AFDN: variants seen among roughly 807,000 people sequenced by gnomAD.
AFDN encodes afadin.
A neutral mutation model predicts 216.6 loss-of-function variants in AFDN; 68 were observed. That is an observed-to-expected ratio of 0.31 (90% CI 0.26 to 0.38). The LOEUF (loss-of-function observed/expected upper bound fraction) is 0.38. AFDN is among the 10% of genes least tolerant of loss of function. The pLI, the probability that AFDN is intolerant of heterozygous loss-of-function variation, is 1.00. For synonymous variants in AFDN, 868 were observed against 853.7 expected, an observed-to-expected ratio of 1.02 and a Z score of -0.29; for missense variants, 2,136 against 2,342.0, an observed-to-expected ratio of 0.91 and a Z score of 1.82.
At chr6:167,880,943 C>T (rs953385972) in intron 6 of AFDN, among the ~76,000 whole-genome samples, 2 of 152,028 alleles carry the variant, frequency 1.3e-5, no homozygotes, top group Non-Finnish European at 2.9e-5. Context: ...TTTGTTTATT[C>T]TAGGTTGTTT....
At chr6:167,909,170 A>G (rs561720800) in intron 13 of AFDN, among the ~76,000 whole-genome samples, 17 of 152,250 alleles carry the variant, frequency 1.1e-4, no homozygotes, top group Admixed American at 3.3e-4. Context: ...CATTTAAATT[A>G]CATTGTTTAT....
chr6:167,834,457 G>GTTTTTTTTTT (rs11446838), intron 1 of AFDN, among the ~76,000 whole-genome samples: 7 of 75,250 alleles, frequency 9.3e-5, no homozygotes, highest in Non-Finnish European at 1.2e-4. Context: ...TGTTGTTTCG[G>GTTTTTTTTTT]TTTTTTTTTT....
At chr6:167,920,640 T>C (rs1791665835) in intron 21 of AFDN, among the ~76,000 whole-genome samples, 1 of 152,210 alleles carries the variant, frequency 6.6e-6, no homozygotes, top group African/African-American at 2.4e-5. Context: ...ACTCTTCCTC[T>C]GTCATGTGTG....
chr6:167,963,052 T>G, intron 31 of AFDN: 1 of 1,070,898 alleles, frequency 9.3e-7, no homozygotes, highest in Non-Finnish European at 1.1e-6. Context: ...AGCAGATGGC[T>G]TAGAAAACAT....
At chr6:167,967,616 T>C (rs1295699065) in intron 32 of AFDN, among the ~76,000 whole-genome samples, 2 of 152,184 alleles carry the variant, frequency 1.3e-5, no homozygotes, top group African/African-American at 2.4e-5. Flanking sequence ...TAGCCAAGTA[T>C]TATAATGAGG....
chr6:167,862,426 A>T (rs1450737175), intron 1 of AFDN, among the ~76,000 whole-genome samples: 2 of 151,354 alleles, frequency 1.3e-5, no homozygotes, highest in Non-Finnish European at 2.9e-5. Context: ...CCCAGGCTGG[A>T]GTGCAGTGGC....
At chr6:167,948,780 T>G (rs1795632538) in intron 29 of AFDN, among the ~76,000 whole-genome samples, 1 of 152,256 alleles carries the variant, frequency 6.6e-6, no homozygotes, top group Admixed American at 6.5e-5. Flanking sequence ...TATTTTGCAC[T>G]GTATCAGGAG....
At chr6:167,844,866 T>TTTTTTTTTTTTTTG (rs1399027374) in intron 1 of AFDN, among the ~76,000 whole-genome samples, 7 of 135,998 alleles carry the variant, frequency 5.1e-5, no homozygotes, top group Non-Finnish European at 4.7e-5. Flanking sequence ...TTTTTTTTTT[T>TTTTTTTTTTTTTTG]TTTTGGTTTT....
chr6:167,948,267 CT>C (rs754349401), intron 28 of AFDN, 25 bp from the exon 29 acceptor site: 7 of 1,579,478 alleles, frequency 4.4e-6, no homozygotes, highest in East Asian at 2.2e-5. Context: ...AAAAAGCTCA[CT>C]TTTTTTGTTC....
At chr6:167,938,901 C>T (rs1412250340) in intron 23 of AFDN, among the ~76,000 whole-genome samples, 2 of 152,286 alleles carry the variant, frequency 1.3e-5, no homozygotes, top group East Asian at 3.9e-4. Context: ...AGCTGACTGG[C>T]AGGCAGCACC....
intron 29 of AFDN, among the ~76,000 whole-genome samples, chr6:167,949,268 G>A (rs900344153): frequency 3.3e-5 from 5 of 152,172 alleles, no homozygotes; most frequent in African/African-American, 1.2e-4. Context: ...TACATGCCCT[G>A]GATCGCAGAC....
intron 23 of AFDN, among the ~76,000 whole-genome samples, chr6:167,940,852 T>C (rs1794607151): frequency 5.5e-5 from 3 of 54,344 alleles, no homozygotes; most frequent in Non-Finnish European, 9.6e-5. Flanking sequence ...GATGTAGGGG[T>C]GAGGGTGGAA....
chr6:167,949,573 C>G (rs1795728955), intron 29 of AFDN, among the ~76,000 whole-genome samples: 1 of 152,154 alleles, frequency 6.6e-6, no homozygotes, highest in Admixed American at 6.5e-5. Context: ...TGCAACGGCC[C>G]AGTCTTGGGA....
At chr6:167,860,143 A>G (rs1241030695) in intron 1 of AFDN, among the ~76,000 whole-genome samples, 4 of 144,192 alleles carry the variant, frequency 2.8e-5, no homozygotes, top group African/African-American at 1.0e-4. Context: ...TTAGGTATTA[A>G]GTACCTACAG....
At chr6:167,944,637 A>G (rs1403623729) in intron 26 of AFDN, among the ~76,000 whole-genome samples, 2 of 152,168 alleles carry the variant, frequency 1.3e-5, no homozygotes, top group Admixed American at 1.3e-4. Context: ...TCATCATTGT[A>G]TATACGTCAC....
rs779815531 is a variant in AFDN at position 167,924,617 on chromosome 6, TTTC to T, written c.3013-382_3013-380del. Among the ~76,000 whole-genome samples, 9 of 152,340 alleles carry T rather than the reference TTTC, an allele frequency of 5.9e-5. No homozygotes were observed. The South Asian group carries it at 1.0e-3, about 18-fold the overall frequency. On this transcript the variant is annotated intron_variant, in intron 22 of 33. Coordinates refer to ENST00000683244, the MANE Select transcript of AFDN (RefSeq NM_001386888.1). ...GTGGATAGTGTAAAATAAGTTTACA[TTTC>T]TTCTTTGAAAACACAAAAAGACTGG...
At chr6:167,870,303 A>G (rs574745079) in intron 2 of AFDN, 83 bp from the exon 3 acceptor site, 1 of 759,546 alleles carries the variant, frequency 1.3e-6, no homozygotes. Context: ...TATAAAATTA[A>G]ATGTATATCA....
rs544356743 is a variant in AFDN, at chr6:167,969,860, A to G, written c.5421A>G (p.Gln1807=). Residue 1807 remains glutamine (Q), a synonymous_variant, in exon 34 of 34, where the codon CAA becomes CAG. Transcript: ENST00000683244. ...TFKERQRLFS[Q]GQDVSNKVKA... ...AGGAACGCCAGCGTCTTTTTTCACA[A>G]GGTCAAGATGTATCCAATAAAGTGA... 1.9e-6 allele frequency: 3 copies of G among 1,613,334 alleles called. No homozygotes were observed. The South Asian group carries it at 3.3e-5, about 18-fold the overall frequency.
At chr6:167,878,583 C>T (rs1214254741) in intron 5 of AFDN, among the ~76,000 whole-genome samples, 1 of 134,432 alleles carries the variant, frequency 7.4e-6, no homozygotes, top group Admixed American at 7.5e-5. Flanking sequence ...CGCACACACA[C>T]CCACTCTCTC....
Sources: allele counts gnomAD v4.1 joint callset (sites outside exome capture counted in the v4.1 genomes callset), GRCh38; gene constraint gnomAD v4.1.1; transcripts MANE v1.5; gene names NCBI Gene and HGNC (gene_info 2026-07-23, HGNC 2026-07-21).